ABHD10: variants seen among roughly 807,000 people sequenced by gnomAD.
ABHD10 encodes the protein palmitoyl-protein thioesterase ABHD10, mitochondrial.
In ABHD10, 22 loss-of-function variants were observed where a neutral mutation model predicts 33.1. The observed-to-expected ratio is 0.66, with a 90% CI of 0.47 to 0.95. The LOEUF is 0.95. Among genes scored for constraint, ABHD10 ranks in the 40% least tolerant of loss-of-function variants. ABHD10 has a pLI of 0.00. For missense variants in ABHD10, 352 were observed against 379.9 expected (o/e 0.93, Z 0.61); for synonymous variants, 146 against 133.9 (o/e 1.09, Z -0.62).
chr3:111,989,963 T>A (rs1275406491), intron 4 of ABHD10, among the ~76,000 whole-genome samples: 1 of 152,056 alleles, frequency 6.6e-6, no homozygotes, highest in Non-Finnish European at 1.5e-5. Context: ...AAAATCATAG[T>A]ATATTTGTTG....
intron 2 of ABHD10, among the ~76,000 whole-genome samples, chr3:111,985,491 G>T (rs746024254): frequency 1.6e-4 from 25 of 152,146 alleles, no homozygotes; most frequent in Non-Finnish European, 3.2e-4. Flanking sequence ...CACTAGGAAC[G>T]CATTGAAACA....
chr3:111,983,091 G>T (rs2072606557), intron 2 of ABHD10, among the ~76,000 whole-genome samples: 1 of 152,056 alleles, frequency 6.6e-6, no homozygotes, highest in African/African-American at 2.4e-5. Flanking sequence ...CATTCAGGGT[G>T]GGGAAACACA....
chr3:111,986,790 T>G (rs2072669853), intron 3 of ABHD10, 124 bp from the exon 4 acceptor site: 1 of 737,040 alleles, frequency 1.4e-6, no homozygotes, highest in Non-Finnish European at 2.0e-6. Context: ...GTTTAATCCA[T>G]TTTGATATTT....
In ABHD10 at chr3:111,986,372, A is replaced by C. The variant is rs746029380; in HGVS notation, c.435A>C (p.Pro145=). ...LSIIDDLADG[P]QILVGSSLGG... Reference sequence around the variant, plus strand: ...TAATTGATGACTTAGCTGATGGGCCACAGGTGACTGTTTTGTTAAGTATGA... The same window carrying C: ...TAATTGATGACTTAGCTGATGGGCCCCAGGTGACTGTTTTGTTAAGTATGA... Residue 145 remains proline, a synonymous_variant, in exon 3 of 5, where the codon CCA becomes CCC. Coordinates refer to ENST00000273359, the MANE Select transcript of ABHD10 (RefSeq NM_018394.4). 31 of 1,597,860 alleles carry C rather than the reference A, an allele frequency of 1.9e-5. No individual in the cohort carries two copies. In the East Asian group the frequency reaches 4.0e-4, roughly 21 times the overall value.
At chr3:111,982,902 T>G (rs2072603717) in intron 2 of ABHD10, among the ~76,000 whole-genome samples, 1 of 152,154 alleles carries the variant, frequency 6.6e-6, no homozygotes, top group Admixed American at 6.5e-5. Flanking sequence ...AGATTTAATC[T>G]TATTTCTTTT....
Position 111,979,145 on chromosome 3 carries a change from C to T in ABHD10, c.84C>T (p.His28=), listed in dbSNP as rs886799938. The change falls in exon 1 of 5, where the codon CAC becomes CAT. Residue 28 remains histidine (H), a synonymous_variant. Coordinates refer to ENST00000273359, the MANE Select transcript of ABHD10 (RefSeq NM_018394.4). ...GGGCAGCCGTCCCCTTCGGTCCCCA[C>T]CGTGGCCTCAGCGTGCTGCTTGCAC... ...WGWAAVPFGP[H]RGLSVLLARI... 5 of 1,612,962 alleles carry T rather than the reference C, an allele frequency of 3.1e-6. No homozygotes were observed. The highest frequency in any genetic ancestry group is 1.3e-5 in the African/African-American group (1 of 74,944).
chr3:111,983,093 G>A (rs2072606605), intron 2 of ABHD10, among the ~76,000 whole-genome samples: 1 of 151,900 alleles, frequency 6.6e-6, no homozygotes, highest in African/African-American at 2.4e-5. Context: ...TTCAGGGTGG[G>A]GAAACACAAG....
chr3:111,979,090 C>G lies in ABHD10; in HGVS notation c.29C>G (p.Ala10Gly), dbSNP rs1469644706. 6.2e-7 allele frequency: 1 copy of G among 1,613,202 alleles called. No homozygotes were observed. The highest frequency in any genetic ancestry group is 1.3e-5 in the African/African-American group (1 of 75,028). Residue 10 changes from alanine (A) to glycine (G), a missense_variant, in exon 1 of 5, where the codon GCG becomes GGG. Ala to Gly is a moderately conservative substitution (Grantham distance 60). Coordinates refer to ENST00000273359, the MANE Select transcript of ABHD10 (RefSeq NM_018394.4). ...GCGGTTGCGCGCTTGGCAGCTGTGG[C>G]GGCCTGGGTACCTTGTCGGAGCTGG... MAVARLAAV[A>G]AWVPCRSWGW...
At chr3:111,988,709 C>T (rs2072704117) in intron 4 of ABHD10, among the ~76,000 whole-genome samples, 1 of 152,090 alleles carries the variant, frequency 6.6e-6, no homozygotes, top group South Asian at 2.1e-4. Flanking sequence ...CCCACCTCAG[C>T]CTCCTGAGTA....
chr3:111,988,576 A>G (rs1212718125), intron 4 of ABHD10, among the ~76,000 whole-genome samples: 1 of 151,288 alleles, frequency 6.6e-6, no homozygotes, highest in Non-Finnish European at 1.5e-5. Flanking sequence ...AAACCTGTGT[A>G]CATTTGTTTT....
intron 2 of ABHD10, among the ~76,000 whole-genome samples, chr3:111,985,605 A>G (rs1412706061): frequency 3.3e-5 from 5 of 152,060 alleles, no homozygotes; most frequent in Non-Finnish European, 2.9e-5. Flanking sequence ...AATGAAGCAG[A>G]GTAAAGAATT....
chr3:111,988,905 C>CGT (rs1244866460), intron 4 of ABHD10, among the ~76,000 whole-genome samples: 1 of 152,006 alleles, frequency 6.6e-6, no homozygotes, highest in Admixed American at 6.6e-5. Context: ...CATTTCTCTG[C>CGT]GTGTGTGTGT....
intron 4 of ABHD10, among the ~76,000 whole-genome samples, chr3:111,989,704 A>AT (rs2072718333): frequency 6.6e-6 from 1 of 152,178 alleles, no homozygotes; most frequent in Non-Finnish European, 1.5e-5. Context: ...TGTTGTTTTA[A>AT]TACAGAGAAT....
chr3:111,987,652 T>C (rs952054428), intron 4 of ABHD10, among the ~76,000 whole-genome samples: 2 of 152,240 alleles, frequency 1.3e-5, no homozygotes, highest in African/African-American at 4.8e-5. Context: ...ATGTAAATTG[T>C]TGCTATACTG....
chr3:111,979,900 T>G (rs1218542843), intron 1 of ABHD10, among the ~76,000 whole-genome samples: 1 of 152,240 alleles, frequency 6.6e-6, no homozygotes, highest in Non-Finnish European at 1.5e-5. Context: ...GTATGGAGAT[T>G]TTTGTATCCA....
chr3:111,980,991 C>G (rs1346200694), intron 1 of ABHD10, among the ~76,000 whole-genome samples: 1 of 152,030 alleles, frequency 6.6e-6, no homozygotes, highest in Non-Finnish European at 1.5e-5. Flanking sequence ...AAACCTGTTT[C>G]TTCCCTGACC....
intron 1 of ABHD10, among the ~76,000 whole-genome samples, chr3:111,981,329 A>AAAAAG (rs1205656615): frequency 7.0e-6 from 1 of 143,290 alleles, no homozygotes; most frequent in Admixed American, 6.8e-5. Flanking sequence ...AAAAAAAAAA[A>AAAAAG]AAAAGAAAGA....
intron 2 of ABHD10, among the ~76,000 whole-genome samples, chr3:111,984,268 G>A (rs541839953): frequency 1.3e-5 from 2 of 152,126 alleles, no homozygotes; most frequent in Admixed American, 6.5e-5. Flanking sequence ...ATCCAAAATC[G>A]TTTCACTTCA....
chr3:111,986,490 C>T (rs897069175), intron 3 of ABHD10, 115 bp downstream of exon 3: 9 of 711,540 alleles, frequency 1.3e-5, no homozygotes, highest in Non-Finnish European at 2.1e-5. Flanking sequence ...GCCTGGAGTG[C>T]AGTGGCGCAA....
Sources: allele counts gnomAD v4.1 joint callset (sites outside exome capture counted in the v4.1 genomes callset), GRCh38; gene constraint gnomAD v4.1.1; transcripts MANE v1.5; gene names NCBI Gene and HGNC (gene_info 2026-07-23, HGNC 2026-07-21).